The following CCL4 variants were observed in gnomAD, a reference collection of about 807,000 sequenced individuals.
The protein encoded by CCL4 is C-C motif chemokine 4.
In CCL4, 8 loss-of-function variants were observed where a neutral mutation model predicts 10.3. That is an observed-to-expected ratio of 0.77 (90% confidence interval 0.45 to 1.39). The LOEUF (loss-of-function observed/expected upper bound fraction) is 1.39, where lower values mean the gene tolerates loss of function less well. Ranked by LOEUF, CCL4 falls within the 40% of genes most tolerant of loss-of-function variation. The pLI, the probability that CCL4 is intolerant of heterozygous loss-of-function variation, is 0.00. For synonymous variants in CCL4, 35 were observed against 44.3 expected (o/e 0.79, Z 0.83); for missense variants, 106 against 111.2 (o/e 0.95, Z 0.21).
At chr17:36,104,031 C>T (rs746239258) in intron 1 of CCL4, 50 bp downstream of exon 1, 1 of 1,609,068 alleles carries the variant, frequency 6.2e-7, no homozygotes, top group Non-Finnish European at 8.5e-7. Flanking sequence ...TAGGCAGAGT[C>T]CTTTTTTCTA....
At chr17:36,104,930 C>A (rs754393683) in intron 2 of CCL4, 1 of 700,970 alleles carries the variant, frequency 1.4e-6, no homozygotes, top group East Asian at 2.7e-5. Flanking sequence ...TTCCTTAAAC[C>A]GTGCTAGAAA....
intron 1 of CCL4, chr17:36,104,229 C>T: frequency 1.4e-6 from 1 of 708,614 alleles, no homozygotes. Flanking sequence ...ATTGGCTCTG[C>T]CTTTAATTAT....
chr17:36,105,375 C>T lies in CCL4; in HGVS notation c.*63C>T. ...TGAGCCCGGATGCTTCTCCATGAGA[C>T]ACATCTCCTCCATACTCAGGACTCC... On this transcript the variant is annotated 3_prime_UTR_variant, in exon 3 of 3. Transcript: ENST00000615863. 1 of 1,499,292 alleles carries T rather than the reference C, an allele frequency of 6.7e-7. No individual in the cohort carries two copies. Among genetic ancestry groups the T allele is most frequent in the Non-Finnish European group, 9.3e-7 (1 of 1,075,328 alleles). 92.9% of individuals were successfully genotyped at this position (1,499,292 alleles called of 1,614,324 possible).
chr17:36,105,301 G>A lies in CCL4; in HGVS notation c.268G>A (p.Glu90Lys). ...GGTCCAGGAGTACGTGTATGACCTG[G>A]AACTGAACTGAGCTGCTCAGAGACA... ...SWVQEYVYDL[E>K]LN is the part of the protein sequence containing the mutation. Residue 90 changes from glutamate (E) to lysine (K), a missense_variant, in exon 3 of 3, where the codon GAA becomes AAA. Physicochemically the swap from Glu to Lys is moderately conservative, Grantham distance 56. Coordinates refer to ENST00000615863, the MANE Select transcript of CCL4 (RefSeq NM_002984.4). 1.2e-6 allele frequency: 2 copies of A among 1,613,864 alleles called. No homozygotes were observed. The highest frequency in any genetic ancestry group is 2.2e-5 in the East Asian group (1 of 44,884).
chr17:36,104,816 G>A (rs2067147373), intron 2 of CCL4, 174 bp downstream of exon 2: 1 of 861,226 alleles, frequency 1.2e-6, no homozygotes, highest in Non-Finnish European at 1.9e-6. Flanking sequence ...AGTGCTGAAG[G>A]CGGCAGAGTG....
chr17:36,104,654 C>T lies in CCL4; in HGVS notation c.191+12C>T, dbSNP rs571337582. The T allele has an allele frequency of 3.8e-5, 61 of 1,613,680 alleles. No homozygotes were observed. The African/African-American group carries it at 5.3e-4, about 14-fold the overall frequency. On this transcript the variant is annotated intron_variant, in intron 2 of 2. Coordinates refer to ENST00000615863, the MANE Select transcript of CCL4 (RefSeq NM_002984.4). ...CAGCCAGCTGTGGTGTGAGTATCAA[C>T]CCCTGGGCTGCCCTGGGAGGCAAGG...
At position 36,105,484 on chromosome 17, in the gene CCL4, A is replaced by G; in HGVS notation, c.*172A>G. The G allele has an allele frequency of 2.7e-6, 2 of 733,096 alleles. No individual in the cohort carries two copies. Among genetic ancestry groups the G allele is most frequent in the Middle Eastern group, 7.6e-4 (2 of 2,624 alleles). The allele number at this position is 733,096 out of a possible 1,614,324, so 45.4% of individuals were successfully genotyped here. On this transcript the variant is annotated 3_prime_UTR_variant, in exon 3 of 3. Coordinates refer to ENST00000615863, the MANE Select transcript of CCL4 (RefSeq NM_002984.4). ...ATTAGGTGTCATTTCCATTATTTATATTAGTTTAGCCAAAGGATAAGTGTC... is the reference window on the plus strand; with the variant it reads ...ATTAGGTGTCATTTCCATTATTTATGTTAGTTTAGCCAAAGGATAAGTGTC...
At chr17:36,104,876 G>A in intron 2 of CCL4, 1 of 687,248 alleles carries the variant, frequency 1.5e-6, no homozygotes, top group South Asian at 1.6e-5. Context: ...TCAGAGGACA[G>A]GGAAGCAGGG....
At chr17:36,104,717 AG>A in intron 2 of CCL4, 75 bp downstream of exon 2, 4 of 1,589,960 alleles carry the variant, frequency 2.5e-6, no homozygotes, top group East Asian at 2.2e-5. Flanking sequence ...TGTTTTGGGG[AG>A]GGGGTGATTG....
rs1251763371 is a variant in CCL4, at chr17:36,104,917, CG to C, written c.191+276del. 1.1e-5 allele frequency: 8 copies of C among 695,838 alleles called. No individual in the cohort carries two copies. The African/African-American group carries it at 1.4e-4, about 12-fold the overall frequency. 43.1% of individuals were successfully genotyped at this position (695,838 alleles called of 1,614,324 possible). A position where few individuals can be genotyped will look rare whatever the true frequency, so the allele number is the denominator to read the frequency against. On this transcript the variant is annotated intron_variant, in intron 2 of 2. Coordinates refer to ENST00000615863, the MANE Select transcript of CCL4 (RefSeq NM_002984.4). ...CAGACAGGTCCCATGAGATATGGAC[CG>C]ATTCCTTAAACCGTGCTAGAAAGAC...
At chr17:36,104,773 C>A in intron 2 of CCL4, 131 bp downstream of exon 2, 3 of 1,148,132 alleles carry the variant, frequency 2.6e-6, no homozygotes, top group Non-Finnish European at 3.9e-6. Context: ...TCCCTGAGAG[C>A]AGTGAGGACA....
At position 36,104,702 on chromosome 17, in the gene CCL4, G is replaced by T. The variant is rs114069362; in HGVS notation, c.191+60G>T. 573 of 1,607,544 alleles carry T rather than the reference G, an allele frequency of 3.6e-4. 3 individuals are homozygous for T. The African/African-American group carries it at 6.1e-3, about 17-fold the overall frequency. ...AGGGTGAGGGCTGGATTTTAAAAGA[G>T]GGCCTGTTTTGGGGAGGGGGTGATT... On this transcript the variant is annotated intron_variant, in intron 2 of 2. Transcript: ENST00000615863.
chr17:36,105,138 G>A lies in CCL4; in HGVS notation c.192-87G>A, dbSNP rs975546348. 2.2e-5 allele frequency: 30 copies of A among 1,373,910 alleles called. No homozygotes were observed. The African/African-American group carries it at 3.5e-4, about 16-fold the overall frequency. The allele number at this position is 1,373,910 out of a possible 1,614,324, so 85.1% of individuals were successfully genotyped here. On this transcript the variant is annotated intron_variant, in intron 2 of 2. Coordinates refer to ENST00000615863, the MANE Select transcript of CCL4 (RefSeq NM_002984.4). ...ACCAGAGCTGCCCCACATGGACCAT[G>A]GTCAGGCAGAGGAAGATGCAAAGGA...
intron 2 of CCL4, 64 bp from the exon 3 acceptor site, chr17:36,105,161 G>A (rs1269285693): frequency 2.6e-6 from 4 of 1,521,330 alleles, no homozygotes; most frequent in Admixed American, 3.3e-5. Context: ...AAGATGCAAA[G>A]GATAAAGCCA....
At position 36,104,548 on chromosome 17, in the gene CCL4, G is replaced by C; in HGVS notation, c.97G>C (p.Ala33Pro). 6.2e-7 allele frequency: 1 copy of C among 1,612,088 alleles called. No homozygotes were observed. The highest frequency in any genetic ancestry group is 8.5e-7 in the Non-Finnish European group (1 of 1,179,796). The stretch of plus-strand genomic sequence containing the variant: ...TTCAGTGGGCTCAGACCCTCCCACC[G>C]CCTGCTGCTTTTCTTACACCGCGAG... ...SAPMGSDPPT[A>P]CCFSYTARKL... Residue 33 changes from alanine (A) to proline (P), a missense_variant, in exon 2 of 3, where the codon GCC (alanine) becomes CCC (proline). Ala to Pro is a conservative substitution (Grantham distance 27). Coordinates refer to ENST00000615863, the MANE Select transcript of CCL4 (RefSeq NM_002984.4).
intron 2 of CCL4, 142 bp downstream of exon 2, chr17:36,104,784 C>G (rs764686787): frequency 9.3e-7 from 1 of 1,069,904 alleles, no homozygotes; most frequent in Admixed American, 2.0e-5. Flanking sequence ...AGTGAGGACA[C>G]AGGTCATGAA....
chr17:36,105,402 C>T lies in CCL4; in HGVS notation c.*90C>T. 1 of 1,257,456 alleles carries T rather than the reference C, an allele frequency of 8.0e-7. No homozygotes were observed. Among genetic ancestry groups the T allele is most frequent in the Non-Finnish European group, 1.2e-6 (1 of 856,072 alleles). The allele number at this position is 1,257,456 out of a possible 1,614,324, so 77.9% of individuals were successfully genotyped here. ...CATCTCCTCCATACTCAGGACTCCTCTCCGCAGTTCCTGTCCCTTCTCTTA... is the reference window on the plus strand; with the variant it reads ...CATCTCCTCCATACTCAGGACTCCTTTCCGCAGTTCCTGTCCCTTCTCTTA... On this transcript the variant is annotated 3_prime_UTR_variant, in exon 3 of 3. Transcript: ENST00000615863.
chr17:36,103,976 C>A lies in CCL4; in HGVS notation c.71C>A (p.Ala24Glu), dbSNP rs765673337. 15 of 1,613,980 alleles carry A rather than the reference C, an allele frequency of 9.3e-6. No homozygotes were observed. In the Admixed American group the frequency reaches 1.5e-4, roughly 16 times the overall value. ...VAAFCSPALS[A>E]PMGSDPPTAC... is the part of the protein sequence containing the mutation. ...GCCTTCTGCTCTCCAGCGCTCTCAGCACCAAGTAAGTCTACTTTTGCAGCT... is the reference window on the plus strand; with the variant it reads ...GCCTTCTGCTCTCCAGCGCTCTCAGAACCAAGTAAGTCTACTTTTGCAGCT... Residue 24 changes from alanine (A) to glutamate (E), a missense_variant, in exon 1 of 3, where the codon GCA becomes GAA. Coordinates refer to ENST00000615863, the MANE Select transcript of CCL4 (RefSeq NM_002984.4).
intron 1 of CCL4, 23 bp downstream of exon 1, chr17:36,104,004 T>C: frequency 6.2e-7 from 1 of 1,613,804 alleles, no homozygotes; most frequent in Non-Finnish European, 8.5e-7. Context: ...TTGCAGCTGC[T>C]ATTTCGAGTC....
Sources: gnomAD v4.1 joint callset for allele counts on GRCh38, gnomAD v4.1.1 for gene constraint, MANE v1.5 for transcripts, NCBI Gene and HGNC (gene_info 2026-07-23, HGNC 2026-07-21) for gene names.